The following NSMCE2 variants were observed in gnomAD, a reference collection of about 807,000 sequenced individuals.
The protein encoded by NSMCE2 is NSE2 SUMO ligase component of SMC5/6 complex.
Under a neutral mutation model 23.8 loss-of-function variants are expected in NSMCE2, and 24 were observed. The observed-to-expected ratio is 1.01, with a 90% CI of 0.73 to 1.42. The LOEUF is 1.42. Ranked by LOEUF, NSMCE2 falls within the 40% of genes most tolerant of loss-of-function variation. The pLI is 0.00. For synonymous variants in NSMCE2, 92 were observed against 94.1 expected (o/e 0.98, Z 0.13); for missense variants, 284 against 296.5 (o/e 0.96, Z 0.31).
At chr8:125,335,451 A>G (rs1345759904) in intron 5 of NSMCE2, among the ~76,000 whole-genome samples, 2 of 152,228 alleles carry the variant, frequency 1.3e-5, no homozygotes, top group Non-Finnish European at 2.9e-5. Context: ...GGCAGGCAGT[A>G]TTTAAGCCCC....
At chr8:125,223,806 C>CTTTTTT (rs777644019) in intron 5 of NSMCE2, among the ~76,000 whole-genome samples, 27 of 107,910 alleles carry the variant, frequency 2.5e-4, no homozygotes, top group South Asian at 3.3e-4. Flanking sequence ...GGTCCTTTGC[C>CTTTTTT]TTTTTTTTTT....
intron 3 of NSMCE2, among the ~76,000 whole-genome samples, chr8:125,125,813 A>G (rs1489664219): frequency 6.6e-6 from 1 of 152,202 alleles, no homozygotes; most frequent in Non-Finnish European, 1.5e-5. Context: ...TGCACATCAA[A>G]CAGTGTGAGT....
At chr8:125,112,646 G>C (rs1201880565) in intron 3 of NSMCE2, among the ~76,000 whole-genome samples, 1 of 152,120 alleles carries the variant, frequency 6.6e-6, no homozygotes, top group East Asian at 1.9e-4. Context: ...GTCACAGAAA[G>C]ATAAATAGTG....
intron 5 of NSMCE2, among the ~76,000 whole-genome samples, chr8:125,254,504 G>C (rs79202834): frequency 0.049 from 7,437 of 152,192 alleles, 254 homozygotes; most frequent in South Asian, 0.17. Context: ...CAAGTAAATA[G>C]CATGTACTTC....
intron 5 of NSMCE2, among the ~76,000 whole-genome samples, chr8:125,252,383 T>C (rs1387938505): frequency 8.5e-5 from 13 of 152,052 alleles, no homozygotes; most frequent in Admixed American, 3.9e-4. Flanking sequence ...AAAAATTAGC[T>C]GGATGTGGTG....
chr8:125,271,616 A>G (rs1239704799), intron 5 of NSMCE2, among the ~76,000 whole-genome samples: 1 of 152,220 alleles, frequency 6.6e-6, no homozygotes, highest in African/African-American at 2.4e-5. Context: ...CAGTAATGAA[A>G]TGGCTTTTGG....
chr8:125,258,204 G>A (rs918934972), intron 5 of NSMCE2, among the ~76,000 whole-genome samples: 1 of 152,162 alleles, frequency 6.6e-6, no homozygotes, highest in Non-Finnish European at 1.5e-5. Flanking sequence ...ATTTTTTTCT[G>A]TGAAACAGGA....
chr8:125,324,880 G>A lies in NSMCE2; in HGVS notation c.419-32339G>A, dbSNP rs1415253452. Among the ~76,000 whole-genome samples, 3 of 150,914 alleles carry A rather than the reference G, an allele frequency of 2.0e-5. 1 individual carries two copies. The highest frequency in any genetic ancestry group is 4.4e-5 in the Non-Finnish European group (3 of 67,652). On this transcript the variant is annotated intron_variant, in intron 5 of 7. Transcript: ENST00000287437. Reference sequence around the variant, plus strand: ...TGAGCCACCGCGCCCGGCCCATTTTGATAAAATTCTTTATGATGCAAATTG... The same window carrying A: ...TGAGCCACCGCGCCCGGCCCATTTTAATAAAATTCTTTATGATGCAAATTG...
chr8:125,127,789 A>G (rs1050124965), intron 3 of NSMCE2, among the ~76,000 whole-genome samples: 2 of 152,202 alleles, frequency 1.3e-5, no homozygotes, highest in Non-Finnish European at 2.9e-5. Flanking sequence ...CAGATTTTGG[A>G]ATATTTACAT....
In NSMCE2 at chr8:125,182,199, C is replaced by G. The variant is rs1232331217; in HGVS notation, c.361C>G (p.Gln121Glu). ...LQSKNSDADF[Q>E]NNEKFVQFKQ... ...GAGCAAGAATTCTGATGCAGACTTTCAAAATAATGAAAAATTTGTACAGTT... is the reference window on the plus strand; with the variant it reads ...GAGCAAGAATTCTGATGCAGACTTTGAAAATAATGAAAAATTTGTACAGTT... The change falls in exon 5 of 8, where the codon CAA becomes GAA. Residue 121 changes from glutamine to glutamate, a missense_variant. Physicochemically the swap from Gln to Glu is conservative, Grantham distance 29. Coordinates refer to ENST00000287437, the MANE Select transcript of NSMCE2 (RefSeq NM_173685.4). 6.2e-7 allele frequency: 1 copy of G among 1,606,682 alleles called. No homozygotes were observed. The highest frequency in any genetic ancestry group is 2.2e-5 in the East Asian group (1 of 44,774).
intron 5 of NSMCE2, among the ~76,000 whole-genome samples, chr8:125,320,256 GGAA>G (rs57968397): frequency 1.8e-4 from 7 of 39,088 alleles, no homozygotes; most frequent in East Asian, 1.3e-3. Context: ...AGGGAGGGAA[GGAA>G]GGAAGGAAGG....
intron 3 of NSMCE2, among the ~76,000 whole-genome samples, chr8:125,111,797 CT>C (rs1818766350): frequency 6.6e-6 from 1 of 151,744 alleles, no homozygotes; most frequent in African/African-American, 2.4e-5. Flanking sequence ...GAGACCGTGT[CT>C]CAAAGAAAAA....
chr8:125,175,571 A>G (rs1024889305), intron 4 of NSMCE2, among the ~76,000 whole-genome samples: 2 of 152,208 alleles, frequency 1.3e-5, no homozygotes, highest in Non-Finnish European at 2.9e-5. Flanking sequence ...AAGTCAATCT[A>G]TCTGGGTCTT....
intron 5 of NSMCE2, among the ~76,000 whole-genome samples, chr8:125,315,317 A>C (rs1043964942): frequency 6.6e-6 from 1 of 152,158 alleles, no homozygotes; most frequent in African/African-American, 2.4e-5. Flanking sequence ...CCCAGCTTCC[A>C]CATCAGCAAA....
intron 5 of NSMCE2, among the ~76,000 whole-genome samples, chr8:125,339,621 T>G (rs947140314): frequency 6.6e-6 from 1 of 152,194 alleles, no homozygotes; most frequent in Non-Finnish European, 1.5e-5. Context: ...AATTGCTGCC[T>G]TCAAATCCCT....
intron 5 of NSMCE2, among the ~76,000 whole-genome samples, chr8:125,282,077 A>C (rs1172134163): frequency 6.6e-6 from 1 of 151,952 alleles, no homozygotes; most frequent in Non-Finnish European, 1.5e-5. Flanking sequence ...GTTTTTCTAG[A>C]GAAATCGGAT....
At chr8:125,357,873 G>A in intron 7 of NSMCE2, 55 bp downstream of exon 7, 1 of 1,264,206 alleles carries the variant, frequency 7.9e-7, no homozygotes, top group Non-Finnish European at 1.2e-6. Context: ...TTACTCAGAG[G>A]TGGCGTGTTC....
intron 5 of NSMCE2, among the ~76,000 whole-genome samples, chr8:125,281,830 T>A (rs551017143): frequency 6.6e-6 from 1 of 151,978 alleles, no homozygotes; most frequent in South Asian, 2.1e-4. Flanking sequence ...TCCTCCCACT[T>A]CTGCCTCCCA....
At chr8:125,172,219 G>A (rs182980615) in intron 4 of NSMCE2, among the ~76,000 whole-genome samples, 139 of 152,256 alleles carry the variant, frequency 9.1e-4, no homozygotes, top group African/African-American at 3.3e-3. Context: ...CACCTCCCTC[G>A]TGTCATTCTC....
Sources: gnomAD v4.1 joint callset for allele counts (sites outside exome capture counted in the v4.1 genomes callset) on GRCh38, gnomAD v4.1.1 for gene constraint, MANE v1.5 for transcripts, NCBI Gene and HGNC (gene_info 2026-07-23, HGNC 2026-07-21) for gene names.